FCHO1: variants seen among roughly 807,000 people sequenced by gnomAD.
FCHO1 encodes F-BAR domain only protein 1.
Under a neutral mutation model 114.4 loss-of-function variants are expected in FCHO1, and 45 were observed. The ratio of observed to expected loss-of-function variants is 0.39; its 90% CI spans 0.31 to 0.50. The LOEUF (loss-of-function observed/expected upper bound fraction) is 0.50, where lower values mean the gene tolerates loss of function less well. Ranked by LOEUF, FCHO1 falls within the 20% of genes least tolerant of loss-of-function variation. The pLI, the probability that FCHO1 is intolerant of heterozygous loss-of-function variation, is 0.77. For missense variants in FCHO1, 1,042 were observed against 1,209.6 expected, an observed-to-expected ratio of 0.86 and a Z score of 2.06; for synonymous variants, 480 against 488.9, an observed-to-expected ratio of 0.98 and a Z score of 0.24.
rs568321613 is a variant in FCHO1, at chr19:17,773,703, C to T, written c.791-536C>T. 3.9e-5 allele frequency among the ~76,000 whole-genome samples: 6 copies of T among 152,274 alleles called. No homozygotes were observed. In the East Asian group the frequency reaches 1.2e-3, roughly 29 times the overall value. On this transcript the variant is annotated intron_variant, in intron 11 of 28. Transcript: ENST00000596536. ...GTATGTAGAAGTAGCTCATGTCACC[C>T]CCTGCGGTGGCACTGCCCTGCTGGA...
chr19:17,762,588 G>A lies in FCHO1; in HGVS notation c.28-174G>A, dbSNP rs1191900026. On this transcript the variant is annotated intron_variant, in intron 4 of 28. Coordinates refer to ENST00000596536, the MANE Select transcript of FCHO1 (RefSeq NM_015122.3). Reference sequence around the variant, plus strand: ...CTTCTCTCTGATTGGACAAATTTAAGGTCCATAGACAATCCCTATGGCCCA... The same window carrying A: ...CTTCTCTCTGATTGGACAAATTTAAAGTCCATAGACAATCCCTATGGCCCA... 5 of 614,524 alleles carry A rather than the reference G, an allele frequency of 8.1e-6. No homozygotes were observed. In the Admixed American group the frequency reaches 1.4e-4, roughly 17 times the overall value. The allele number at this position is 614,524 out of a possible 1,614,324, so 38.1% of individuals were successfully genotyped here.
At chr19:17,780,884 G>C (rs894103911) in intron 20 of FCHO1, among the ~76,000 whole-genome samples, 1 of 152,200 alleles carries the variant, frequency 6.6e-6, no homozygotes, top group Admixed American at 6.5e-5. Flanking sequence ...TCAGGTTCTC[G>C]GAAAGGGTAG....
intron 20 of FCHO1, among the ~76,000 whole-genome samples, chr19:17,779,970 A>G (rs1015823136): frequency 2.0e-5 from 3 of 151,252 alleles, no homozygotes; most frequent in Non-Finnish European, 4.4e-5. Flanking sequence ...GAGCGGCGGG[A>G]TGGGCTCCTG....
chr19:17,781,373 C>G (rs762271563), intron 21 of FCHO1, 30 bp downstream of exon 21: 1 of 1,608,440 alleles, frequency 6.2e-7, no homozygotes, highest in Non-Finnish European at 8.5e-7. Context: ...AGGAGCTGGA[C>G]TGGGGGTCGC....
chr19:17,770,628 CTGCCTG>C (rs767242816), intron 8 of FCHO1, 51 bp downstream of exon 8: 1 of 1,588,768 alleles, frequency 6.3e-7, no homozygotes, highest in Non-Finnish European at 8.6e-7. Context: ...GGCGGAGGGG[CTGCCTG>C]ATCAGAGAGT....
intron 26 of FCHO1, among the ~76,000 whole-genome samples, chr19:17,785,657 C>T (rs1197996206): frequency 6.6e-6 from 1 of 151,960 alleles, no homozygotes; most frequent in South Asian, 2.1e-4. Context: ...TATGGTGAAA[C>T]CCCGTCTCTA....
At chr19:17,750,108 A>C (rs190764605), upstream of FCHO1, among the ~76,000 whole-genome samples, 16 of 152,278 alleles carry the variant, frequency 1.1e-4, no homozygotes, top group Non-Finnish European at 1.3e-4. Context: ...GGGGCTGCTC[A>C]CATGTCTCAG....
intron 4 of FCHO1, among the ~76,000 whole-genome samples, chr19:17,761,633 C>CATACATATATATATAT (rs2086234647): frequency 7.0e-6 from 1 of 142,680 alleles, no homozygotes; most frequent in Admixed American, 7.3e-5. Flanking sequence ...CATGTATATA[C>CATACATATATATATAT]ATATATATAT....
Position 17,766,792 on chromosome 19 carries a change from G to A in FCHO1, c.318G>A (p.Gln106=). Residue 106 remains glutamine, a synonymous_variant, in exon 7 of 29, where the codon CAG becomes CAA. Transcript: ENST00000596536. ...IKDVLRYGEE[Q]LKTHKKCKEE... is the part of the protein sequence containing the mutation. Reference sequence around the variant, plus strand: ...ACGTTCTCCGCTACGGCGAGGAACAGCTCAAGACCCACAAGAAGGTGTGTG... The same window carrying A: ...ACGTTCTCCGCTACGGCGAGGAACAACTCAAGACCCACAAGAAGGTGTGTG... The A allele has an allele frequency of 6.2e-7, 1 of 1,614,020 alleles. No individual in the cohort carries two copies. The highest frequency in any genetic ancestry group is 2.2e-5 in the East Asian group (1 of 44,862).
intron 7 of FCHO1, among the ~76,000 whole-genome samples, chr19:17,768,759 C>G (rs1466582686): frequency 2.0e-5 from 3 of 150,898 alleles, no homozygotes; most frequent in Non-Finnish European, 4.4e-5. Flanking sequence ...GTTGCCCAGG[C>G]TGGTCAAACA....
At position 17,769,241 on chromosome 19, in the gene FCHO1, C is replaced by T. The variant is rs187330195; in HGVS notation, c.337-1184C>T. ...AGGGAGCTGAGATTGTGCCACTGCACTCCAGCCTGGGTGAAAGAGCAAGAC... is the reference window on the plus strand; with the variant it reads ...AGGGAGCTGAGATTGTGCCACTGCATTCCAGCCTGGGTGAAAGAGCAAGAC... On this transcript the variant is annotated intron_variant, in intron 7 of 28. Transcript: ENST00000596536. Among the ~76,000 whole-genome samples the T allele has an allele frequency of 5.9e-3, 735 of 124,276 alleles. 6 individuals carry two copies. Among genetic ancestry groups the T allele is most frequent in the African/African-American group, 0.022 (685 of 31,420 alleles). The allele number at this position is 124,276 out of a possible 152,430, so 81.5% of individuals were successfully genotyped here.
chr19:17,750,368 GA>G (rs1372352968), upstream of FCHO1, among the ~76,000 whole-genome samples: 1 of 151,900 alleles, frequency 6.6e-6, no homozygotes, highest in Non-Finnish European at 1.5e-5. Context: ...AATCCAAAGG[GA>G]AAAAAATGAA....
chr19:17,753,075 C>T (rs1447195417), intron 1 of FCHO1, among the ~76,000 whole-genome samples: 3 of 151,718 alleles, frequency 2.0e-5, no homozygotes, highest in Non-Finnish European at 4.4e-5. Flanking sequence ...GAGCGAGACC[C>T]TGTCTCCAAA....
intron 4 of FCHO1, among the ~76,000 whole-genome samples, chr19:17,762,168 T>G (rs2086547725): frequency 6.6e-6 from 1 of 152,120 alleles, no homozygotes; most frequent in Non-Finnish European, 1.5e-5. Flanking sequence ...GTATTTTTAG[T>G]AGAGACGGAG....
intron 20 of FCHO1, among the ~76,000 whole-genome samples, chr19:17,780,210 G>C (rs1389170536): frequency 6.7e-6 from 1 of 150,264 alleles, no homozygotes; most frequent in Non-Finnish European, 1.5e-5. Context: ...TGTTGCCCGG[G>C]CTGGAGTGCA....
Position 17,778,236 on chromosome 19 carries a change from G to A in FCHO1, c.1351+8G>A, listed in dbSNP as rs2092899397. 3 of 1,608,592 alleles carry A rather than the reference G, an allele frequency of 1.9e-6. No homozygotes were observed. Among genetic ancestry groups the A allele is most frequent in the Non-Finnish European group, 2.6e-6 (3 of 1,175,436 alleles). ...ACCACGAAGATTTTACAGGTGATGG[G>A]GATAAGGGATTGGAGGGCATGGGTG... On this transcript the variant is annotated splice_region_variant and intron_variant, in intron 19 of 28. Coordinates refer to ENST00000596536, the MANE Select transcript of FCHO1 (RefSeq NM_015122.3).
chr19:17,769,625 ACACACAC>A (rs2090832262), intron 7 of FCHO1, among the ~76,000 whole-genome samples: 5 of 126,856 alleles, frequency 3.9e-5, no homozygotes, highest in Admixed American at 7.9e-5. Flanking sequence ...ACACACACAC[ACACACAC>A]AAAACGGTGA....
intron 11 of FCHO1, among the ~76,000 whole-genome samples, chr19:17,773,163 G>T (rs993209266): frequency 6.6e-6 from 1 of 152,234 alleles, no homozygotes; most frequent in Admixed American, 6.5e-5. Flanking sequence ...GCAGATGCAG[G>T]ACTGGGAAGG....
At position 17,775,161 on chromosome 19, in the gene FCHO1, C is replaced by G; in HGVS notation, c.945+81C>G. The G allele has an allele frequency of 6.8e-7, 1 of 1,461,616 alleles. No homozygotes were observed. The highest frequency in any genetic ancestry group is 1.2e-5 in the South Asian group (1 of 80,104). 90.5% of individuals were successfully genotyped at this position (1,461,616 alleles called of 1,614,324 possible). ...CTCTTGGCTCCTAGAGTCCCGATCC[C>G]TACTGGAAACTAAAGAGCCGAGATT... On this transcript the variant is annotated intron_variant, in intron 14 of 28. Coordinates refer to ENST00000596536, the MANE Select transcript of FCHO1 (RefSeq NM_015122.3). This position sits in a 1 kb window ranked among gnomAD's most constrained non-coding sequence, Gnocchi z 5.1.
Sources: allele counts gnomAD v4.1 joint callset (sites outside exome capture counted in the v4.1 genomes callset), GRCh38; gene constraint gnomAD v4.1.1; non-coding constraint Gnocchi (gnomAD v3.1); transcripts MANE v1.5; gene names NCBI Gene and HGNC (gene_info 2026-07-23, HGNC 2026-07-21).